Variants in PNPLA3 observed in about 807,000 individuals in gnomAD.
PNPLA3 encodes patatin like domain 3, 1-acylglycerol-3-phosphate O-acyltransferase, also known as 1-acylglycerol-3-phosphate O-acyltransferase PNPLA3.
Under a neutral mutation model 43.1 loss-of-function variants are expected in PNPLA3, and 42 were observed. The observed-to-expected ratio is 0.97, with a 90% CI of 0.76 to 1.26. The LOEUF is 1.26. PNPLA3 is among the 50% of genes most tolerant of loss of function. PNPLA3 has a pLI of 0.00. For missense variants in PNPLA3, 647 were observed against 621.4 expected, an observed-to-expected ratio of 1.04 and a Z score of -0.44; for synonymous variants, 272 against 253.6, an observed-to-expected ratio of 1.07 and a Z score of -0.69.
chr22:43,941,550 G>A (rs899529442), intron 7 of PNPLA3, among the ~76,000 whole-genome samples: 1 of 152,174 alleles, frequency 6.6e-6, no homozygotes, highest in Non-Finnish European at 1.5e-5. Context: ...CAGTGCAGGA[G>A]TACTCATCCC....
At chr22:43,939,357 T>G in intron 6 of PNPLA3, 1 of 970,378 alleles carries the variant, frequency 1.0e-6, no homozygotes, top group Middle Eastern at 5.3e-4. Context: ...GAAATGGACA[T>G]GTCTTTTCAA....
chr22:43,929,933 G>A (rs2049951299), intron 3 of PNPLA3, among the ~76,000 whole-genome samples: 1 of 152,178 alleles, frequency 6.6e-6, no homozygotes, highest in African/African-American at 2.4e-5. Flanking sequence ...ACAAAAATCT[G>A]TCAGCCTGGT....
chr22:43,934,782 T>A (rs2049984314), intron 5 of PNPLA3, 116 bp downstream of exon 5: 3 of 957,848 alleles, frequency 3.1e-6, no homozygotes, highest in Non-Finnish European at 3.3e-6. Context: ...GCCTTCCTTG[T>A]GTTGCTCAAC....
intron 8 of PNPLA3, among the ~76,000 whole-genome samples, chr22:43,945,314 A>T (rs2050056084): frequency 6.6e-6 from 1 of 152,186 alleles, no homozygotes; most frequent in Admixed American, 6.5e-5. Flanking sequence ...GGTGAAGCCT[A>T]GCAGTCTGCG....
chr22:43,940,420 G>A (rs2050023827), intron 7 of PNPLA3, among the ~76,000 whole-genome samples: 2 of 152,358 alleles, frequency 1.3e-5, no homozygotes, highest in South Asian at 2.1e-4. Flanking sequence ...GGCCTGGAGA[G>A]CTTGGGGTCA....
chr22:43,934,788 T>A, intron 5 of PNPLA3, 122 bp downstream of exon 5: 1 of 871,364 alleles, frequency 1.1e-6, no homozygotes, highest in Non-Finnish European at 1.9e-6. Flanking sequence ...CTTGTGTTGC[T>A]CAACCTACTC....
chr22:43,942,743 C>A (rs765951783), intron 7 of PNPLA3, among the ~76,000 whole-genome samples: 6 of 138,404 alleles, frequency 4.3e-5, no homozygotes, highest in Non-Finnish European at 7.6e-5. Flanking sequence ...TACTCTGGTG[C>A]CCAGGCTGGA....
rs772254671 is a variant in PNPLA3 at position 43,926,974 on chromosome 22, C to T, written c.227C>T (p.Ala76Val). The change falls in exon 2 of 9, where the codon GCC becomes GTC. Residue 76 changes from alanine to valine, a missense_variant. By Grantham distance (64) the Ala-to-Val change is moderately conservative (BLOSUM62 0). Coordinates refer to ENST00000216180, the MANE Select transcript of PNPLA3 (RefSeq NM_025225.3). ...LQVLSDLVRK[A>V]RSRNIGIFHP... is the part of the protein sequence containing the mutation. The stretch of plus-strand genomic sequence containing the variant: ...GTCCTCTCAGATCTTGTGCGGAAGG[C>T]CAGGAGTCGGAACATTGGCATCTTC... 3.1e-6 allele frequency: 5 copies of T among 1,614,078 alleles called. No homozygotes were observed. Among genetic ancestry groups the T allele is most frequent in the East Asian group, 2.2e-5 (1 of 44,880 alleles).
intron 6 of PNPLA3, among the ~76,000 whole-genome samples, chr22:43,938,112 C>A (rs567335436): frequency 5.0e-4 from 76 of 152,250 alleles, no homozygotes; most frequent in Admixed American, 1.5e-3. Context: ...TGATCTGGGA[C>A]CTTGCAGCCT....
At position 43,946,169 on chromosome 22, in the gene PNPLA3, G is replaced by A. The variant is rs2050061905; in HGVS notation, c.1233G>A (p.Val411=). The part of the protein sequence containing the change: ...LLPASRSQMP[V]SSQQASPCTP... Reference sequence around the variant, plus strand: ...TGTGTTTCAGGTCCCAAATGCCAGTGAGCAGCCAACAGGCCTCCCCATGCA... The same window carrying A: ...TGTGTTTCAGGTCCCAAATGCCAGTAAGCAGCCAACAGGCCTCCCCATGCA... Residue 411 remains valine (V), a synonymous_variant, in exon 9 of 9, where the codon GTG becomes GTA. Coordinates refer to ENST00000216180, the MANE Select transcript of PNPLA3 (RefSeq NM_025225.3). The A allele has an allele frequency of 6.2e-7, 1 of 1,613,076 alleles. No individual in the cohort carries two copies. The highest frequency in any genetic ancestry group is 1.3e-5 in the African/African-American group (1 of 74,920).
intron 4 of PNPLA3, 70 bp from the exon 5 acceptor site, chr22:43,934,536 T>C: frequency 5.4e-6 from 8 of 1,470,356 alleles, no homozygotes; most frequent in Non-Finnish European, 7.6e-6. Flanking sequence ...TCTGCGGTCT[T>C]CCAATGATGC....
At chr22:43,941,982 C>G (rs2050033903) in intron 7 of PNPLA3, among the ~76,000 whole-genome samples, 1 of 152,174 alleles carries the variant, frequency 6.6e-6, no homozygotes, top group South Asian at 2.1e-4. Context: ...GGATGTGGCC[C>G]TGGACTTGGC....
chr22:43,941,791 A>T (rs1050739026), intron 7 of PNPLA3, among the ~76,000 whole-genome samples: 1 of 143,578 alleles, frequency 7.0e-6, no homozygotes, highest in Admixed American at 6.9e-5. Flanking sequence ...GCACTTGATT[A>T]AAAAAAAAAA....
At chr22:43,943,244 T>G (rs1032702040) in intron 7 of PNPLA3, among the ~76,000 whole-genome samples, 2 of 152,162 alleles carry the variant, frequency 1.3e-5, no homozygotes, top group Admixed American at 6.5e-5. Flanking sequence ...CTAGTTTTTC[T>G]GTTTCTTCAT....
chr22:43,943,332 C>T (rs2050043204), intron 7 of PNPLA3, among the ~76,000 whole-genome samples: 1 of 152,048 alleles, frequency 6.6e-6, no homozygotes, highest in Non-Finnish European at 1.5e-5. Context: ...ACTTGGAGCT[C>T]AGGGAGAAAA....
At chr22:43,940,242 G>A in intron 7 of PNPLA3, 117 bp downstream of exon 7, 2 of 1,247,696 alleles carry the variant, frequency 1.6e-6, no homozygotes, top group Non-Finnish European at 2.3e-6. Context: ...ACAGATCACA[G>A]CTCACAGTCT....
At chr22:43,945,333 C>T (rs1167275990) in intron 8 of PNPLA3, among the ~76,000 whole-genome samples, 1 of 152,184 alleles carries the variant, frequency 6.6e-6, no homozygotes, top group Non-Finnish European at 1.5e-5. Flanking sequence ...CGTTGACAGG[C>T]CCCAGGGGAT....
chr22:43,944,462 T>C (rs1410296892), intron 7 of PNPLA3, among the ~76,000 whole-genome samples: 5 of 152,272 alleles, frequency 3.3e-5, no homozygotes, highest in Admixed American at 1.3e-4. Context: ...TGTTTTTTTT[T>C]CCCTCTTTAT....
At chr22:43,937,340 G>T in intron 6 of PNPLA3, 68 bp downstream of exon 6, 2 of 1,448,566 alleles carry the variant, frequency 1.4e-6, no homozygotes, top group Non-Finnish European at 1.9e-6. Context: ...GGAGGAAGAT[G>T]GTACTGCCAC....
Sources: gnomAD v4.1 joint callset for allele counts (sites outside exome capture counted in the v4.1 genomes callset) on GRCh38, gnomAD v4.1.1 for gene constraint, MANE v1.5 for transcripts, NCBI Gene and HGNC (gene_info 2026-07-23, HGNC 2026-07-21) for gene names.